PALS1: variants seen among roughly 807,000 people sequenced by gnomAD.
The protein encoded by PALS1 is protein PALS1.
A neutral mutation model predicts 78.9 loss-of-function variants in PALS1; 31 were observed. The observed-to-expected ratio is 0.39, with a 90% CI of 0.30 to 0.53. The LOEUF (loss-of-function observed/expected upper bound fraction) is 0.53. Among genes scored for constraint, PALS1 ranks in the 20% least tolerant of loss-of-function variants. The pLI is 0.67. For missense variants in PALS1, 704 were observed against 826.5 expected (o/e 0.85, Z 1.82); for synonymous variants, 276 against 270.9 (o/e 1.02, Z -0.18).
chr14:67,273,211 C>T (rs567188199), intron 2 of PALS1, among the ~76,000 whole-genome samples: 3 of 151,878 alleles, frequency 2.0e-5, no homozygotes, highest in East Asian at 3.9e-4. Context: ...TGGTGTGCTG[C>T]ACCCATTAAC....
intron 3 of PALS1, among the ~76,000 whole-genome samples, chr14:67,282,201 C>CT (rs571226996): frequency 6.6e-6 from 1 of 151,908 alleles, no homozygotes; most frequent in African/African-American, 2.4e-5. Context: ...TTTTGCCAAA[C>CT]TTTTTTTTCT....
chr14:67,323,561 C>T, intron 13 of PALS1, 141 bp from the exon 14 acceptor site: 1 of 251,412 alleles, frequency 4.0e-6, no homozygotes, highest in Non-Finnish European at 7.4e-6. Flanking sequence ...TTGCAGAGAG[C>T]TGTGATCACA....
At chr14:67,242,498 G>A (rs1456612149) in intron 1 of PALS1, among the ~76,000 whole-genome samples, 1 of 152,148 alleles carries the variant, frequency 6.6e-6, no homozygotes, top group Non-Finnish European at 1.5e-5. Context: ...TATGCTTTTG[G>A]ATTATACCAG....
chr14:67,249,078 T>C (rs939162731), intron 1 of PALS1, among the ~76,000 whole-genome samples: 4 of 152,096 alleles, frequency 2.6e-5, no homozygotes, highest in Non-Finnish European at 5.9e-5. Flanking sequence ...TTTTCCCTCC[T>C]CAGCCTCCCG....
At chr14:67,300,784 T>C (rs1370124130) in intron 4 of PALS1, among the ~76,000 whole-genome samples, 1 of 152,208 alleles carries the variant, frequency 6.6e-6, no homozygotes, top group Non-Finnish European at 1.5e-5. Context: ...TAATCCATTA[T>C]ATTATGGTGA....
Position 67,253,961 on chromosome 14 carries a change from T to G in PALS1, c.-237+12428T>G, listed in dbSNP as rs564286085. 1.9e-3 allele frequency among the ~76,000 whole-genome samples: 295 copies of G among 151,574 alleles called. 1 individual carries two copies. Among genetic ancestry groups the G allele is most frequent in the African/African-American group, 6.7e-3 (276 of 41,266 alleles). On this transcript the variant is annotated intron_variant, in intron 1 of 14. Coordinates refer to ENST00000261681, the MANE Select transcript of PALS1 (RefSeq NM_022474.4). ...AGTGTGTTTGTGTTAATATTTTGTT[T>G]TGTTTTTTTTTTTCCATTTTGAGTA... is the stretch of plus-strand genomic sequence containing the variant.
Position 67,303,550 on chromosome 14 carries a change from T to A in PALS1, c.992T>A (p.Val331Asp). ...LSDMHGTLTF[V>D]LIPSQQIKPP... ...GATATGCATGGTACTTTGACTTTTG[T>A]CCTGATTCCCAGTCAACAGATCAAG... Residue 331 changes from valine (V) to aspartate (D), a missense_variant, in exon 8 of 15, where the codon GTC becomes GAC. Transcript: ENST00000261681. The A allele has an allele frequency of 6.2e-7, 1 of 1,613,896 alleles. No individual in the cohort carries two copies. The highest frequency in any genetic ancestry group is 1.1e-5 in the South Asian group (1 of 91,078).
At chr14:67,322,935 G>A (rs2085282612) in intron 13 of PALS1, among the ~76,000 whole-genome samples, 1 of 152,060 alleles carries the variant, frequency 6.6e-6, no homozygotes, top group Non-Finnish European at 1.5e-5. Flanking sequence ...TCTTGGATGT[G>A]CTTTTCTTGA....
intron 13 of PALS1, 53 bp from the exon 14 acceptor site, chr14:67,323,649 G>A (rs2085304116): frequency 3.3e-6 from 2 of 615,360 alleles, no homozygotes; most frequent in Admixed American, 6.3e-5. Flanking sequence ...AGTATTATTA[G>A]GAAGTAATTA....
At chr14:67,324,181 C>T (rs1392675192) in intron 14 of PALS1, among the ~76,000 whole-genome samples, 7 of 152,160 alleles carry the variant, frequency 4.6e-5, no homozygotes, top group African/African-American at 1.7e-4. Flanking sequence ...CTTTTTATCC[C>T]ACTGAAACTT....
chr14:67,333,914 T>TATG lies in PALS1; in HGVS notation c.*960_*962dup, dbSNP rs1324144676. 1 of 152,650 alleles carries TATG rather than the reference T, an allele frequency of 6.6e-6. No homozygotes were observed. The highest frequency in any genetic ancestry group is 2.4e-5 in the African/African-American group (1 of 41,464). 9.5% of individuals were successfully genotyped at this position (152,650 alleles called of 1,614,324 possible). A position where few individuals can be genotyped will look rare whatever the true frequency, so the allele number is the denominator to read the frequency against. On this transcript the variant is annotated 3_prime_UTR_variant, in exon 15 of 15. Coordinates refer to ENST00000261681, the MANE Select transcript of PALS1 (RefSeq NM_022474.4). The stretch of plus-strand genomic sequence containing the variant: ...ATTTTTATGTATGAGCACAGTATCC[T>TATG]ATGACTGTGCTACGTATATATAGGT...
intron 2 of PALS1, among the ~76,000 whole-genome samples, chr14:67,278,688 T>A (rs2084549618): frequency 1.3e-5 from 2 of 152,336 alleles, no homozygotes; most frequent in South Asian, 4.1e-4. Flanking sequence ...ACCTTTTATG[T>A]TTGAAGCAAG....
intron 3 of PALS1, among the ~76,000 whole-genome samples, chr14:67,288,724 G>A (rs937064794): frequency 5.9e-5 from 9 of 152,030 alleles, no homozygotes; most frequent in African/African-American, 2.2e-4. Context: ...CTCATTGTAT[G>A]TGATGGAATC....
intron 14 of PALS1, among the ~76,000 whole-genome samples, chr14:67,329,305 T>C (rs2141045344): frequency 6.6e-6 from 1 of 152,350 alleles, no homozygotes; most frequent in Middle Eastern, 3.4e-3. Flanking sequence ...TAGGAATGCT[T>C]GTGATTTCTG....
intron 8 of PALS1, among the ~76,000 whole-genome samples, chr14:67,311,817 G>T (rs567120315): frequency 6.6e-6 from 1 of 152,226 alleles, no homozygotes; most frequent in African/African-American, 2.4e-5. Flanking sequence ...AGCCTACATA[G>T]CATACAAATA....
chr14:67,289,749 G>A (rs1055303208), intron 3 of PALS1, among the ~76,000 whole-genome samples: 1 of 151,138 alleles, frequency 6.6e-6, no homozygotes, highest in Non-Finnish European at 1.5e-5. Flanking sequence ...AGGCACATTG[G>A]GAAGATTTTT....
At position 67,326,221 on chromosome 14, in the gene PALS1, A is replaced by ATT. The variant is rs760127048; in HGVS notation, c.1851+2446_1851+2447dup. Among the ~76,000 whole-genome samples, 26 of 12,914 alleles carry ATT rather than the reference A, an allele frequency of 2.0e-3. 12 individuals carry two copies. Among genetic ancestry groups the ATT allele is most frequent in the Admixed American group, 3.3e-3 (3 of 902 alleles). The allele number at this position is 12,914 out of a possible 152,430, so 8.5% of individuals were successfully genotyped here. A position where few individuals can be genotyped will look rare whatever the true frequency, so the allele number is the denominator to read the frequency against. ...ATCCTAAAATTTCAATTTAGGTCTG[A>ATT]TTTTTTTTTTTTTTTTTTTTTTTTT... On this transcript the variant is annotated intron_variant, in intron 14 of 14. Coordinates refer to ENST00000261681, the MANE Select transcript of PALS1 (RefSeq NM_022474.4).
In PALS1 at chr14:67,279,548, A is replaced by G; in HGVS notation, c.367+11A>G. ...CTGTGAAAATATTAGGTAAGTAAAA[A>G]TAGAGGTATAACAGAAAACATTTTG... is the stretch of plus-strand genomic sequence containing the variant. On this transcript the variant is annotated intron_variant, in intron 3 of 14. Transcript: ENST00000261681. 6.6e-7 allele frequency: 1 copy of G among 1,518,064 alleles called. No individual in the cohort carries two copies. Among genetic ancestry groups the G allele is most frequent in the Non-Finnish European group, 8.8e-7 (1 of 1,136,268 alleles). 94.0% of individuals were successfully genotyped at this position (1,518,064 alleles called of 1,614,324 possible).
At chr14:67,294,314 CAT>C (rs1179764200) in intron 4 of PALS1, 1 of 152,022 alleles carries the variant, frequency 6.6e-6, no homozygotes, top group African/African-American at 2.4e-5. Context: ...GAAAAAAGCA[CAT>C]AGTCAGAACT....
Sources: allele counts gnomAD v4.1 joint callset (sites outside exome capture counted in the v4.1 genomes callset), GRCh38; gene constraint gnomAD v4.1.1; transcripts MANE v1.5; gene names NCBI Gene and HGNC (gene_info 2026-07-23, HGNC 2026-07-21).